Variants in ZMYND11 observed in about 807,000 individuals in gnomAD.
ZMYND11 encodes zinc finger MYND-type containing 11.
Under a neutral mutation model 84.9 loss-of-function variants are expected in ZMYND11, and 9 were observed. That is an observed-to-expected ratio of 0.11 (90% CI 0.06 to 0.18). The LOEUF is 0.18. Among genes scored for constraint, ZMYND11 ranks in the 10% least tolerant of loss-of-function variants. ZMYND11 has a pLI of 1.00. For missense variants in ZMYND11, 409 were observed against 761.0 expected (o/e 0.54, Z 5.44); for synonymous variants, 250 against 244.1 (o/e 1.02, Z -0.23).
intron 1 of ZMYND11, among the ~76,000 whole-genome samples, chr10:176,806 AG>A (rs1846733256): frequency 6.6e-6 from 1 of 152,188 alleles, no homozygotes; most frequent in Non-Finnish European, 1.5e-5. Context: ...ATAATTGGTA[AG>A]GGGCAGGGGA....
chr10:223,586 C>T (rs1168638351), intron 4 of ZMYND11, among the ~76,000 whole-genome samples: 1 of 152,088 alleles, frequency 6.6e-6, no homozygotes. Context: ...GGCTCAAAAA[C>T]CCTGTTTTCT....
At chr10:162,266 A>C (rs1843093089) in intron 1 of ZMYND11, among the ~76,000 whole-genome samples, 4 of 152,178 alleles carry the variant, frequency 2.6e-5, no homozygotes, top group African/African-American at 9.7e-5. Context: ...GGTACCCCAA[A>C]ATAATTAGTA....
chr10:192,198 T>G (rs1005261682), intron 2 of ZMYND11, among the ~76,000 whole-genome samples: 2 of 152,204 alleles, frequency 1.3e-5, no homozygotes, highest in Admixed American at 6.5e-5. Flanking sequence ...CACTACATAT[T>G]CCAGTTATAC....
chr10:195,012 A>G (rs544215580), intron 2 of ZMYND11, among the ~76,000 whole-genome samples: 26 of 152,342 alleles, frequency 1.7e-4, no homozygotes, highest in Non-Finnish European at 3.5e-4. Context: ...GTATTTACTA[A>G]GGGGAAAGAG....
At chr10:136,494 G>A (rs1836104032) in intron 1 of ZMYND11, among the ~76,000 whole-genome samples, 1 of 152,200 alleles carries the variant, frequency 6.6e-6, no homozygotes, top group Admixed American at 6.5e-5. Context: ...ACCCGGTGTC[G>A]TACCGGCTAT....
chr10:199,302 C>T (rs1185371761), intron 2 of ZMYND11, among the ~76,000 whole-genome samples: 6 of 34,532 alleles, frequency 1.7e-4, no homozygotes, highest in Non-Finnish European at 3.2e-4. Context: ...TCACTCCCTC[C>T]CTCTCTTCCT....
chr10:180,213 C>G lies in ZMYND11; in HGVS notation c.116+85C>G, dbSNP rs968671034. ...GCCAAAAAAAATTTTATCTGTTATG[C>G]TAATCAACATATATTACAAAGAACT... On this transcript the variant is annotated intron_variant, in intron 2 of 14. Coordinates refer to ENST00000381604, the MANE Select transcript of ZMYND11 (RefSeq NM_001370100.5). 20 of 949,380 alleles carry G rather than the reference C, an allele frequency of 2.1e-5. 1 individual carries two copies. In the South Asian group the frequency reaches 2.8e-4, roughly 13 times the overall value. The allele number at this position is 949,380 out of a possible 1,614,324, so 58.8% of individuals were successfully genotyped here.
chr10:214,649 A>T (rs189664086), intron 3 of ZMYND11, among the ~76,000 whole-genome samples: 12 of 152,296 alleles, frequency 7.9e-5, no homozygotes, highest in African/African-American at 2.9e-4. Flanking sequence ...CTGGTCATTC[A>T]ATGTTTTGTT....
At chr10:221,058 C>A in intron 3 of ZMYND11, 137 bp from the exon 4 acceptor site, 1 of 738,692 alleles carries the variant, frequency 1.4e-6, no homozygotes, top group East Asian at 2.7e-5. Context: ...GGTATTTTCC[C>A]TCTTGTTTTA....
intron 14 of ZMYND11, among the ~76,000 whole-genome samples, chr10:250,207 C>T (rs181951162): frequency 7.8e-4 from 119 of 152,338 alleles, no homozygotes; most frequent in Non-Finnish European, 1.5e-5. Context: ...TTTTGTGTTC[C>T]AGGTGCTTCT....
At chr10:132,347 A>G (rs1178401401), upstream of ZMYND11, among the ~76,000 whole-genome samples, 1 of 151,252 alleles carries the variant, frequency 6.6e-6, no homozygotes, top group Non-Finnish European at 1.5e-5. Flanking sequence ...CCTTTGCAGT[A>G]CGAACTAACC....
rs1253254415 is a variant in ZMYND11, at chr10:254,339, A to G, written c.*1869A>G. On this transcript the variant is annotated 3_prime_UTR_variant, in exon 15 of 15. Transcript: ENST00000381604. ...CGGTTGCACATTTCCAAGTTACTAC[A>G]GCGTGAAAACTGTGTGTTTAAAAAA... is the stretch of plus-strand genomic sequence containing the variant. 1 of 152,768 alleles carries G rather than the reference A, an allele frequency of 6.5e-6. No homozygotes were observed. Among genetic ancestry groups the G allele is most frequent in the East Asian group, 1.9e-4 (1 of 5,190 alleles). The allele number at this position is 152,768 out of a possible 1,614,324, so 9.5% of individuals were successfully genotyped here. A position where few individuals can be genotyped will look rare whatever the true frequency, so the allele number is the denominator to read the frequency against.
chr10:138,016 A>G (rs1201013199), intron 1 of ZMYND11, among the ~76,000 whole-genome samples: 1 of 152,136 alleles, frequency 6.6e-6, no homozygotes, highest in Non-Finnish European at 1.5e-5. Flanking sequence ...GTTTAAATAA[A>G]TGTACATGTA....
chr10:199,663 G>A (rs1942662453), intron 2 of ZMYND11, among the ~76,000 whole-genome samples: 1 of 151,954 alleles, frequency 6.6e-6, no homozygotes. Context: ...AAAATCCTGG[G>A]CTAAAGTGAC....
intron 10 of ZMYND11, among the ~76,000 whole-genome samples, chr10:245,689 G>C (rs752979706): frequency 1.3e-5 from 2 of 152,110 alleles, no homozygotes; most frequent in Non-Finnish European, 2.9e-5. Flanking sequence ...CCAAGACCAA[G>C]GCCGAATAAA....
chr10:194,888 C>T (rs1029841332), intron 2 of ZMYND11, among the ~76,000 whole-genome samples: 4 of 152,152 alleles, frequency 2.6e-5, no homozygotes, highest in African/African-American at 9.7e-5. Context: ...TATAGAGATA[C>T]TGGCTAAAAA....
At chr10:193,004 A>T (rs959792709) in intron 2 of ZMYND11, among the ~76,000 whole-genome samples, 1 of 151,992 alleles carries the variant, frequency 6.6e-6, no homozygotes, top group Non-Finnish European at 1.5e-5. Context: ...AACTTTTTCC[A>T]TAGTTTTATT....
At chr10:247,498 C>T in intron 12 of ZMYND11, 32 bp downstream of exon 12, 3 of 1,597,394 alleles carry the variant, frequency 1.9e-6, no homozygotes, top group Non-Finnish European at 2.6e-6. Flanking sequence ...ATCCAGGTGG[C>T]AAATGAAACA....
chr10:130,811 T>C (rs529994018), upstream of ZMYND11, among the ~76,000 whole-genome samples: 10 of 152,344 alleles, frequency 6.6e-5, no homozygotes, highest in South Asian at 1.9e-3. Context: ...CATATTCTTC[T>C]ACATCATGCT....
Sources: allele counts gnomAD v4.1 joint callset (sites outside exome capture counted in the v4.1 genomes callset), GRCh38; gene constraint gnomAD v4.1.1; transcripts MANE v1.5; gene names NCBI Gene and HGNC (gene_info 2026-07-23, HGNC 2026-07-21).